Variants in SPARCL1 observed in about 807,000 individuals in gnomAD.
SPARCL1 encodes SPARC like 1, also known as SPARC-like protein 1.
SPARCL1 carries 52 observed loss-of-function variants against 67.1 expected under a neutral mutation model. The ratio of observed to expected loss-of-function variants is 0.78; its 90% confidence interval spans 0.62 to 0.98. The LOEUF (loss-of-function observed/expected upper bound fraction) is 0.98. SPARCL1 is among the 50% of genes least tolerant of loss of function. SPARCL1 has a pLI of 0.00. For synonymous variants in SPARCL1, 226 were observed against 267.8 expected (o/e 0.84, Z 1.52); for missense variants, 717 against 782.4 (o/e 0.92, Z 1.00).
chr4:87,503,864 A>G (rs1240657177), intron 1 of SPARCL1, among the ~76,000 whole-genome samples: 3 of 151,734 alleles, frequency 2.0e-5, no homozygotes, highest in Non-Finnish European at 4.4e-5. Context: ...TTTTTAGTAG[A>G]GACAGGGGTT....
chr4:87,482,617 G>A, intron 7 of SPARCL1, 57 bp from the exon 8 acceptor site: 1 of 1,597,640 alleles, frequency 6.3e-7, no homozygotes, highest in Non-Finnish European at 8.6e-7. Context: ...CCTATGGCAA[G>A]TCCTCATAAT....
intron 7 of SPARCL1, among the ~76,000 whole-genome samples, chr4:87,484,450 T>C (rs569630819): frequency 1.3e-5 from 2 of 152,346 alleles, no homozygotes; most frequent in South Asian, 2.1e-4. Flanking sequence ...ATATATCTGT[T>C]TTGATACCAG....
chr4:87,503,154 C>T (rs1174298485), intron 1 of SPARCL1, among the ~76,000 whole-genome samples: 3 of 152,178 alleles, frequency 2.0e-5, no homozygotes, highest in African/African-American at 7.2e-5. Flanking sequence ...ACATGGAAGT[C>T]CCCTGGCTGT....
chr4:87,475,281 AT>A (rs1353277358), intron 10 of SPARCL1, among the ~76,000 whole-genome samples: 1 of 151,842 alleles, frequency 6.6e-6, no homozygotes, highest in Non-Finnish European at 1.5e-5. Context: ...GGATATCCTT[AT>A]TTCTTTCAAC....
chr4:87,521,863 C>A (rs1270848314), intron 1 of SPARCL1, among the ~76,000 whole-genome samples: 3 of 152,132 alleles, frequency 2.0e-5, no homozygotes, highest in Admixed American at 6.5e-5. Context: ...TCAGAGGAAG[C>A]CTGTAGACTG....
rs2110229263 is a variant in SPARCL1, at chr4:87,494,135, G to A, written c.665C>T (p.Thr222Ile). The change falls in exon 4 of 11, where the codon ACA becomes ATA. Residue 222 changes from threonine to isoleucine, a missense_variant. Thr to Ile is a moderately conservative substitution (Grantham distance 89, BLOSUM62 -1). Transcript: ENST00000282470. ...GTTAGCATGCTCCCTGGGCAATTCT[G>A]TCTTTCTTTCTTGGTTATCATTGTG... ...GTHNDNQERK[T>I]ELPREHANSK... 1 of 1,613,658 alleles carries A rather than the reference G, an allele frequency of 6.2e-7. No homozygotes were observed. Among genetic ancestry groups the A allele is most frequent in the Non-Finnish European group, 8.5e-7 (1 of 1,180,006 alleles).
intron 1 of SPARCL1, among the ~76,000 whole-genome samples, chr4:87,506,775 TATCTATC>T (rs1201362907): frequency 0.017 from 844 of 48,946 alleles, 3 homozygotes; most frequent in East Asian, 0.11. Flanking sequence ...TATCTCTATC[TATCTATC>T]ATCTATCTAT....
chr4:87,481,156 C>G (rs1259768444), intron 8 of SPARCL1, among the ~76,000 whole-genome samples: 1 of 152,166 alleles, frequency 6.6e-6, no homozygotes, highest in Non-Finnish European at 1.5e-5. Flanking sequence ...TGGAAGCAAA[C>G]AGGACCTCCA....
chr4:87,485,619 G>A (rs1232073738), intron 7 of SPARCL1, among the ~76,000 whole-genome samples: 3 of 149,864 alleles, frequency 2.0e-5, no homozygotes, highest in African/African-American at 7.4e-5. Context: ...TCTATTGTTT[G>A]GAATACTTTC....
chr4:87,501,336 T>G (rs1724840657), intron 1 of SPARCL1, among the ~76,000 whole-genome samples: 1 of 152,168 alleles, frequency 6.6e-6, no homozygotes. Flanking sequence ...CCCATATATT[T>G]TTCTTTCTTA....
chr4:87,505,256 A>C (rs991137717), intron 1 of SPARCL1, among the ~76,000 whole-genome samples: 1 of 152,140 alleles, frequency 6.6e-6, no homozygotes, highest in Admixed American at 6.5e-5. Context: ...ATGAATCCTA[A>C]ATTGCTGCTA....
chr4:87,483,607 T>G (rs912321569), intron 7 of SPARCL1, among the ~76,000 whole-genome samples: 13 of 152,246 alleles, frequency 8.5e-5, no homozygotes, highest in Non-Finnish European at 1.8e-4. Flanking sequence ...TACCCAGTAA[T>G]GGGATTGCTG....
chr4:87,486,402 C>G (rs924977262), intron 7 of SPARCL1, among the ~76,000 whole-genome samples: 2 of 152,156 alleles, frequency 1.3e-5, no homozygotes, highest in Non-Finnish European at 2.9e-5. Context: ...ATCCTGAGTT[C>G]TAATTTGATT....
chr4:87,477,897 C>A (rs943025646), intron 10 of SPARCL1, among the ~76,000 whole-genome samples: 1 of 152,178 alleles, frequency 6.6e-6, no homozygotes, highest in African/African-American at 2.4e-5. Context: ...TAGGTACTTA[C>A]AAAAATATAC....
At chr4:87,520,478 G>A (rs925658505) in intron 1 of SPARCL1, among the ~76,000 whole-genome samples, 3 of 152,056 alleles carry the variant, frequency 2.0e-5, no homozygotes, top group East Asian at 1.9e-4. Flanking sequence ...ATATGAAAAC[G>A]TTTTTCCTTT....
intron 1 of SPARCL1, among the ~76,000 whole-genome samples, chr4:87,522,682 C>CAT (rs70957259): frequency 2.7e-5 from 4 of 147,874 alleles, no homozygotes; most frequent in Non-Finnish European, 4.5e-5. Flanking sequence ...CACACACACA[C>CAT]GCACACACAC....
At chr4:87,518,212 T>A (rs1396094438) in intron 1 of SPARCL1, among the ~76,000 whole-genome samples, 1 of 152,050 alleles carries the variant, frequency 6.6e-6, no homozygotes, top group Non-Finnish European at 1.5e-5. Context: ...GAGAAAATGT[T>A]AAGAAGATGC....
At chr4:87,519,186 T>C (rs1252552122) in intron 1 of SPARCL1, among the ~76,000 whole-genome samples, 1 of 151,982 alleles carries the variant, frequency 6.6e-6, no homozygotes. Context: ...TTCTTCTGCC[T>C]CAACCTCCTG....
At chr4:87,523,159 G>T (rs1221234641) in intron 1 of SPARCL1, among the ~76,000 whole-genome samples, 2 of 152,102 alleles carry the variant, frequency 1.3e-5, no homozygotes, top group African/African-American at 4.8e-5. Context: ...CACTCAGGAG[G>T]CTGAGGCAGA....
Sources: allele counts gnomAD v4.1 joint callset (sites outside exome capture counted in the v4.1 genomes callset), GRCh38; gene constraint gnomAD v4.1.1; transcripts MANE v1.5; gene names NCBI Gene and HGNC (gene_info 2026-07-23, HGNC 2026-07-21).